ZDHHC17: variants seen among roughly 807,000 people sequenced by gnomAD.
ZDHHC17 encodes palmitoyltransferase ZDHHC17.
ZDHHC17 carries 40 observed loss-of-function variants against 90.3 expected under a neutral mutation model. The observed-to-expected ratio is 0.44, with a 90% CI of 0.34 to 0.58. The LOEUF (loss-of-function observed/expected upper bound fraction) is 0.58. ZDHHC17 is among the 20% of genes least tolerant of loss of function. The pLI is 0.01. For missense variants in ZDHHC17, 614 were observed against 780.8 expected, an observed-to-expected ratio of 0.79 and a Z score of 2.55; for synonymous variants, 235 against 252.4, an observed-to-expected ratio of 0.93 and a Z score of 0.65.
intron 7 of ZDHHC17, among the ~76,000 whole-genome samples, chr12:76,821,352 T>C (rs993280528): frequency 1.3e-5 from 2 of 152,168 alleles, no homozygotes; most frequent in African/African-American, 2.4e-5. Flanking sequence ...TGTTGTTTTG[T>C]AATAGTTGTT....
At chr12:76,797,049 G>T (rs1952828106) in intron 1 of ZDHHC17, among the ~76,000 whole-genome samples, 1 of 151,988 alleles carries the variant, frequency 6.6e-6, no homozygotes, top group African/African-American at 2.4e-5. Context: ...CGGATCACGA[G>T]GTCAGGAGAT....
intron 10 of ZDHHC17, among the ~76,000 whole-genome samples, chr12:76,829,055 A>G (rs1378194366): frequency 1.3e-5 from 2 of 152,208 alleles, no homozygotes; most frequent in Non-Finnish European, 2.9e-5. Flanking sequence ...TTAAAAGGTC[A>G]AAAAGCAATA....
intron 1 of ZDHHC17, among the ~76,000 whole-genome samples, chr12:76,797,220 G>A (rs1433689636): frequency 1.3e-5 from 2 of 151,962 alleles, no homozygotes; most frequent in Admixed American, 6.6e-5. Flanking sequence ...CCGAGATCGC[G>A]TCACTGCACT....
intron 1 of ZDHHC17, among the ~76,000 whole-genome samples, chr12:76,794,148 G>A (rs1450754362): frequency 6.6e-6 from 1 of 152,138 alleles, no homozygotes; most frequent in East Asian, 1.9e-4. Flanking sequence ...GCCTCCCAAA[G>A]TGCTGAGATT....
At chr12:76,819,358 T>C (rs532298696) in intron 7 of ZDHHC17, among the ~76,000 whole-genome samples, 1 of 152,330 alleles carries the variant, frequency 6.6e-6, no homozygotes, top group South Asian at 2.1e-4. Flanking sequence ...TCTAACCAAA[T>C]TTATTTATAC....
At chr12:76,808,333 A>G (rs1483651722) in intron 3 of ZDHHC17, among the ~76,000 whole-genome samples, 2 of 152,200 alleles carry the variant, frequency 1.3e-5, no homozygotes, top group Admixed American at 6.5e-5. Context: ...TTCAGAAGCT[A>G]TCAAGATGCT....
intron 5 of ZDHHC17, among the ~76,000 whole-genome samples, chr12:76,810,152 T>G (rs1176074354): frequency 6.6e-6 from 1 of 152,190 alleles, no homozygotes; most frequent in Non-Finnish European, 1.5e-5. Flanking sequence ...TTTATGTATT[T>G]TGAATATATC....
chr12:76,770,030 A>G (rs991405816), intron 1 of ZDHHC17, among the ~76,000 whole-genome samples: 1 of 152,178 alleles, frequency 6.6e-6, no homozygotes, highest in African/African-American at 2.4e-5. Context: ...TCAAATCTCA[A>G]TTCTGCTCAC....
intron 12 of ZDHHC17, chr12:76,844,110 T>C (rs1180562766): frequency 6.6e-6 from 1 of 152,182 alleles, no homozygotes; most frequent in Non-Finnish European, 1.5e-5. Flanking sequence ...AATATACTGT[T>C]CCACAAAGTA....
At chr12:76,814,284 G>T (rs183188276) in intron 5 of ZDHHC17, among the ~76,000 whole-genome samples, 1 of 152,078 alleles carries the variant, frequency 6.6e-6, no homozygotes, top group Non-Finnish European at 1.5e-5. Context: ...GTAGTAGTGG[G>T]GGAAAGATGG....
At chr12:76,815,088 A>G (rs983259661) in intron 5 of ZDHHC17, 58 bp from the exon 6 acceptor site, 6 of 1,307,582 alleles carry the variant, frequency 4.6e-6, no homozygotes, top group South Asian at 2.7e-5. Flanking sequence ...TTTCCAAGCA[A>G]ATTTGGTTAG....
chr12:76,848,258 T>G lies in ZDHHC17; in HGVS notation c.1533T>G (p.Thr511=). 1.9e-6 allele frequency: 3 copies of G among 1,613,944 alleles called. No individual in the cohort carries two copies. The highest frequency in any genetic ancestry group is 2.5e-6 in the Non-Finnish European group (3 of 1,179,848). Residue 511 remains threonine, a synonymous_variant, in exon 15 of 17, where the codon ACT becomes ACG. Transcript: ENST00000426126. Reference sequence around the variant, plus strand: ...ACTGGGGACTCCACTGTGAGACCACTTACACCAAGGATGGATTTTGGACAT... The same window carrying G: ...ACTGGGGACTCCACTGTGAGACCACGTACACCAAGGATGGATTTTGGACAT... ...ISYWGLHCET[T]YTKDGFWTYI...
intron 2 of ZDHHC17, 95 bp downstream of exon 2, chr12:76,797,632 G>C: frequency 1.1e-6 from 1 of 942,716 alleles, no homozygotes; most frequent in South Asian, 2.3e-5. Context: ...AAAAACATCA[G>C]TATATCTCAA....
At chr12:76,804,505 T>C (rs1187590721) in intron 2 of ZDHHC17, among the ~76,000 whole-genome samples, 1 of 152,178 alleles carries the variant, frequency 6.6e-6, no homozygotes, top group African/African-American at 2.4e-5. Context: ...ACCTAAGCAC[T>C]GGCAGCCAGC....
intron 10 of ZDHHC17, among the ~76,000 whole-genome samples, chr12:76,829,975 G>GCAC (rs1165863563): frequency 6.6e-6 from 1 of 152,110 alleles, no homozygotes; most frequent in Non-Finnish European, 1.5e-5. Context: ...CTACAGGCGT[G>GCAC]CACCACCACG....
At chr12:76,785,721 G>T (rs1004265768) in intron 1 of ZDHHC17, among the ~76,000 whole-genome samples, 4 of 152,222 alleles carry the variant, frequency 2.6e-5, no homozygotes, top group African/African-American at 9.6e-5. Flanking sequence ...CCTGAGATGG[G>T]ATGTGTCTTC....
chr12:76,800,401 C>T (rs534132802), intron 2 of ZDHHC17, among the ~76,000 whole-genome samples: 4 of 152,304 alleles, frequency 2.6e-5, no homozygotes, highest in African/African-American at 7.2e-5. Context: ...TCCTTACTTA[C>T]GTCTAGTTCT....
chr12:76,836,169 A>G (rs1378814534), intron 10 of ZDHHC17, among the ~76,000 whole-genome samples: 2 of 152,006 alleles, frequency 1.3e-5, no homozygotes, highest in African/African-American at 2.4e-5. Flanking sequence ...TGATATCAAC[A>G]TGATAGCCTC....
intron 1 of ZDHHC17, 184 bp downstream of exon 1, chr12:76,764,513 C>A (rs1290493732): frequency 5.0e-6 from 3 of 602,724 alleles, no homozygotes; most frequent in Non-Finnish European, 8.7e-6. Context: ...GATAGCGGGG[C>A]GGGCCCGACC....
Sources: allele counts gnomAD v4.1 joint callset (sites outside exome capture counted in the v4.1 genomes callset), GRCh38; gene constraint gnomAD v4.1.1; transcripts MANE v1.5; gene names NCBI Gene and HGNC (gene_info 2026-07-23, HGNC 2026-07-21).